CAPS2: variants seen among roughly 807,000 people sequenced by gnomAD.
CAPS2 encodes the protein calcyphosine 2.
Under a neutral mutation model 86.5 loss-of-function variants are expected in CAPS2, and 98 were observed. The ratio of observed to expected loss-of-function variants is 1.13; its 90% CI spans 0.96 to 1.34. The LOEUF is 1.34. Among genes scored for constraint, CAPS2 ranks in the 40% most tolerant of loss-of-function variants. CAPS2 has a pLI of 0.00. For missense variants in CAPS2, 729 were observed against 686.8 expected, an observed-to-expected ratio of 1.06 and a Z score of -0.69; for synonymous variants, 210 against 225.1, an observed-to-expected ratio of 0.93 and a Z score of 0.60.
chr12:75,334,599 C>G (rs2041576804), upstream of CAPS2: 2 of 1,464,002 alleles, frequency 1.4e-6, no homozygotes, highest in African/African-American at 2.8e-5. Context: ...TCCAGCCGCG[C>G]TGGGCTCGAG....
At chr12:75,372,061 C>G (rs1269767676) in intron 1 of CAPS2, among the ~76,000 whole-genome samples, 1 of 152,218 alleles carries the variant, frequency 6.6e-6, no homozygotes, top group Non-Finnish European at 1.5e-5. Context: ...GTCGCCCAGG[C>G]TGGAGTGCAG....
chr12:75,388,840 T>C (rs141758495), intron 1 of CAPS2, among the ~76,000 whole-genome samples: 68 of 152,292 alleles, frequency 4.5e-4, no homozygotes, highest in African/African-American at 1.6e-3. Flanking sequence ...AATGTACTAC[T>C]CTGTTGTGGG....
intron 1 of CAPS2, among the ~76,000 whole-genome samples, chr12:75,379,745 T>A (rs1392035708): frequency 6.6e-6 from 1 of 151,934 alleles, no homozygotes; most frequent in African/African-American, 2.4e-5. Context: ...GAAATCAGAT[T>A]TGCCAATAAT....
At chr12:75,325,808 G>A (rs184252790) in intron 1 of CAPS2, among the ~76,000 whole-genome samples, 6 of 151,648 alleles carry the variant, frequency 4.0e-5, no homozygotes, top group Admixed American at 1.3e-4. Context: ...CAGAGTGTGA[G>A]GGGGGGTAGG....
chr12:75,308,666 A>T lies in CAPS2; in HGVS notation c.660-3790T>A, dbSNP rs973382897. On this transcript the variant is annotated intron_variant, in intron 7 of 16. Coordinates refer to ENST00000393284, the Ensembl canonical transcript of CAPS2. ...TCATATCCTTATGAGGCAGGAAAAT[A>T]GGGGAAATGAGGCAGGAAAATAGCA... is the stretch of plus-strand genomic sequence containing the variant. Among the ~76,000 whole-genome samples, 9 of 152,234 alleles carry T rather than the reference A, an allele frequency of 5.9e-5. 1 individual carries two copies. The highest frequency in any genetic ancestry group is 5.2e-4 in the Admixed American group (8 of 15,286).
upstream of CAPS2, among the ~76,000 whole-genome samples, chr12:75,333,000 T>C (rs1402999659): frequency 6.6e-6 from 1 of 152,128 alleles, no homozygotes; most frequent in Non-Finnish European, 1.5e-5. Context: ...AGCATCCTTA[T>C]CAAGCTGATG....
At chr12:75,308,252 C>T (rs977182477) in intron 7 of CAPS2, among the ~76,000 whole-genome samples, 1 of 152,178 alleles carries the variant, frequency 6.6e-6, no homozygotes, top group Non-Finnish European at 1.5e-5. Flanking sequence ...AGACTGATTG[C>T]AGGCCACTTC....
chr12:75,289,708 T>C, exon 14 of CAPS2: 1 of 1,613,090 alleles, frequency 6.2e-7, no homozygotes, highest in Non-Finnish European at 8.5e-7. Context: ...TGTCCAACTG[T>C]TGAAAATATT....
rs370065606 is a variant in CAPS2 at position 75,288,927 on chromosome 12, C to T, written c.1395+694G>A. ...AATTGGTATAGAAAGGACCAAGGAT[C>T]AGATGGGAGTGCTCCTTTAGACAGA... On this transcript the variant is annotated intron_variant, in intron 14 of 16. Transcript: ENST00000393284. Among the ~76,000 whole-genome samples the T allele has an allele frequency of 3.3e-5, 5 of 152,180 alleles. No homozygotes were observed. The East Asian group carries it at 9.6e-4, about 29-fold the overall frequency.
At chr12:75,301,721 A>G (rs1205535539) in intron 8 of CAPS2, among the ~76,000 whole-genome samples, 2 of 152,224 alleles carry the variant, frequency 1.3e-5, no homozygotes, top group African/African-American at 4.8e-5. Flanking sequence ...ATTGCTTTTC[A>G]ATAGTAAACA....
intron 16 of CAPS2, among the ~76,000 whole-genome samples, chr12:75,280,457 T>A (rs1024536659): frequency 6.6e-6 from 1 of 151,740 alleles, no homozygotes; most frequent in Non-Finnish European, 1.5e-5. Context: ...AAAAAAGGCT[T>A]TCCCAACAAC....
At position 75,292,598 on chromosome 12, in the gene CAPS2, A is replaced by G. The variant is rs1020782762; in HGVS notation, c.1163+651T>C. 9.6e-5 allele frequency among the ~76,000 whole-genome samples: 14 copies of G among 145,738 alleles called. 1 individual carries two copies. In the Admixed American group the frequency reaches 9.6e-4, roughly 10 times the overall value. The stretch of plus-strand genomic sequence containing the variant: ...TATATATATAAAATATATATTATAT[A>G]TACATATTATATATGTATCTATACA... On this transcript the variant is annotated intron_variant, in intron 12 of 16. Coordinates refer to ENST00000393284, the Ensembl canonical transcript of CAPS2.
chr12:75,345,575 A>G (rs562516201), intron 1 of CAPS2, among the ~76,000 whole-genome samples: 1 of 152,176 alleles, frequency 6.6e-6, no homozygotes, highest in Non-Finnish European at 1.5e-5. Context: ...AGCAACTTCC[A>G]TGTTCCCTTT....
At chr12:75,353,285 T>C (rs773200661) in intron 1 of CAPS2, among the ~76,000 whole-genome samples, 1 of 151,922 alleles carries the variant, frequency 6.6e-6, no homozygotes, top group African/African-American at 2.4e-5. Context: ...AAGAATCAAA[T>C]AGACACAATA....
intron 1 of CAPS2, among the ~76,000 whole-genome samples, chr12:75,338,341 C>T (rs1335166478): frequency 6.6e-6 from 1 of 152,052 alleles, no homozygotes; most frequent in Non-Finnish European, 1.5e-5. Flanking sequence ...TAACAGAAAA[C>T]TCCCCAGAAA....
At chr12:75,280,240 C>G (rs1793443197) in intron 16 of CAPS2, among the ~76,000 whole-genome samples, 2 of 151,758 alleles carry the variant, frequency 1.3e-5, no homozygotes, top group African/African-American at 2.4e-5. Flanking sequence ...AAGAGCTTTA[C>G]CTTAAAATCA....
chr12:75,386,255 C>G (rs1364343298), intron 1 of CAPS2, among the ~76,000 whole-genome samples: 9 of 152,134 alleles, frequency 5.9e-5, no homozygotes. Context: ...GACATTAAGA[C>G]TTACTATAAG....
At chr12:75,355,220 A>C (rs1187994726) in intron 1 of CAPS2, among the ~76,000 whole-genome samples, 2 of 152,228 alleles carry the variant, frequency 1.3e-5, no homozygotes, top group Non-Finnish European at 2.9e-5. Flanking sequence ...AAATTTTAGC[A>C]ATCTATCCAT....
At chr12:75,329,163 G>A (rs2041063729), upstream of CAPS2, among the ~76,000 whole-genome samples, 1 of 152,196 alleles carries the variant, frequency 6.6e-6, no homozygotes, top group Non-Finnish European at 1.5e-5. Context: ...AAAGGTAATA[G>A]AAGAATTCGA....
Sources: allele counts gnomAD v4.1 joint callset (sites outside exome capture counted in the v4.1 genomes callset), GRCh38; gene constraint gnomAD v4.1.1; transcripts MANE v1.5; gene names NCBI Gene and HGNC (gene_info 2026-07-23, HGNC 2026-07-21).